KAZN: variants seen among roughly 807,000 people sequenced by gnomAD.
KAZN encodes kazrin, periplakin interacting protein, also known as kazrin.
KAZN carries 40 observed loss-of-function variants against 87.4 expected under a neutral mutation model. That is an observed-to-expected ratio of 0.46 (90% CI 0.36 to 0.60). The LOEUF (loss-of-function observed/expected upper bound fraction) is 0.60, where lower values mean the gene tolerates loss of function less well. Among genes scored for constraint, KAZN ranks in the 20% least tolerant of loss-of-function variants. The probability of loss-of-function intolerance (pLI) is 0.00; values close to 1 mark genes in which losing one functional copy is unlikely to be tolerated. For missense variants in KAZN, 898 were observed against 1,073.9 expected (o/e 0.84, Z 2.29); for synonymous variants, 466 against 458.3 (o/e 1.02, Z -0.22).
chr1:15,045,177 C>T (rs1168288610), intron 4 of KAZN, among the ~76,000 whole-genome samples: 2 of 152,146 alleles, frequency 1.3e-5, no homozygotes, highest in Non-Finnish European at 2.9e-5. Flanking sequence ...CCTACCTTCC[C>T]CACAGGGTGG....
At chr1:14,314,208 A>G (rs932578365) in intron 2 of KAZN, among the ~76,000 whole-genome samples, 2 of 152,196 alleles carry the variant, frequency 1.3e-5, no homozygotes, top group Admixed American at 1.3e-4. Context: ...AAGAGATTGC[A>G]CTACTTGTAG....
At chr1:14,955,225 G>C (rs1268685838) in intron 1 of KAZN, among the ~76,000 whole-genome samples, 1 of 152,238 alleles carries the variant, frequency 6.6e-6, no homozygotes, top group African/African-American at 2.4e-5. Flanking sequence ...GGTTGGTCCC[G>C]TCAGTGCAGA....
intron 1 of KAZN, among the ~76,000 whole-genome samples, chr1:14,089,595 T>C (rs1436137434): frequency 6.6e-6 from 1 of 152,206 alleles, no homozygotes; most frequent in Non-Finnish European, 1.5e-5. Context: ...GCTACTGTTA[T>C]CATTCATTTT....
At chr1:14,074,539 G>A (rs1436918510) in intron 1 of KAZN, among the ~76,000 whole-genome samples, 1 of 152,094 alleles carries the variant, frequency 6.6e-6, no homozygotes, top group African/African-American at 2.4e-5. Flanking sequence ...GAAATTCTGG[G>A]GTCCCGGGTA....
chr1:14,581,577 G>A (rs2103694), intron 2 of KAZN, among the ~76,000 whole-genome samples: 20,320 of 152,016 alleles, frequency 0.13, 1,403 homozygotes, highest in Middle Eastern at 0.15. Flanking sequence ...ACTCAACACC[G>A]GTCAGTGTCC....
chr1:14,708,451 T>C (rs1488209285), intron 1 of KAZN, among the ~76,000 whole-genome samples: 3 of 152,208 alleles, frequency 2.0e-5, no homozygotes, highest in Non-Finnish European at 4.4e-5. Context: ...AAAAAAACTT[T>C]TTTCTAGATA....
At chr1:14,053,678 A>T (rs934323008) in intron 1 of KAZN, among the ~76,000 whole-genome samples, 7 of 152,194 alleles carry the variant, frequency 4.6e-5, no homozygotes, top group Admixed American at 1.3e-4. Context: ...TAAAGAAAAC[A>T]GTGAAAATTG....
intron 1 of KAZN, among the ~76,000 whole-genome samples, chr1:14,729,007 C>T (rs113819202): frequency 2.6e-5 from 4 of 152,094 alleles, no homozygotes; most frequent in East Asian, 1.9e-4. Context: ...GGGAAGCTGC[C>T]GTTTCTTGAG....
At chr1:14,512,685 C>A (rs1670976077) in intron 2 of KAZN, among the ~76,000 whole-genome samples, 1 of 152,216 alleles carries the variant, frequency 6.6e-6, no homozygotes, top group Middle Eastern at 3.2e-3. Flanking sequence ...ACACAGCCTG[C>A]CGGCTGCTGT....
At chr1:13,982,417 T>C (rs1638773498) in intron 1 of KAZN, among the ~76,000 whole-genome samples, 1 of 152,100 alleles carries the variant, frequency 6.6e-6, no homozygotes, top group Non-Finnish European at 1.5e-5. Flanking sequence ...GGCTCAGGAG[T>C]GAAGCTGCCG....
intron 2 of KAZN, among the ~76,000 whole-genome samples, chr1:14,367,788 C>T (rs1434560557): frequency 1.3e-5 from 2 of 152,170 alleles, no homozygotes; most frequent in African/African-American, 4.8e-5. Context: ...GCAGGGGAGT[C>T]CAGGGAGACT....
chr1:14,525,961 A>T (rs771096135), intron 2 of KAZN, among the ~76,000 whole-genome samples: 1 of 152,206 alleles, frequency 6.6e-6, no homozygotes, highest in Non-Finnish European at 1.5e-5. Flanking sequence ...ACAGCAAAAG[A>T]ACCCCACTTG....
intron 2 of KAZN, among the ~76,000 whole-genome samples, chr1:14,992,199 C>T (rs1667426637): frequency 6.6e-6 from 1 of 152,126 alleles, no homozygotes; most frequent in African/African-American, 2.4e-5. Context: ...ATGTCCCTAC[C>T]CGTGAGTGTG....
intron 2 of KAZN, among the ~76,000 whole-genome samples, chr1:14,289,302 T>A (rs558922377): frequency 6.6e-6 from 1 of 152,292 alleles, no homozygotes; most frequent in East Asian, 1.9e-4. Context: ...CTCATTATTA[T>A]TGTGTGGGAG....
At chr1:14,145,425 T>C (rs985112298) in intron 1 of KAZN, among the ~76,000 whole-genome samples, 1 of 151,938 alleles carries the variant, frequency 6.6e-6, no homozygotes, top group African/African-American at 2.4e-5. Flanking sequence ...GCCTGGGTGA[T>C]AGAAAAAGAC....
intron 1 of KAZN, among the ~76,000 whole-genome samples, chr1:14,778,413 A>G (rs377518637): frequency 5.2e-5 from 7 of 135,712 alleles, no homozygotes; most frequent in South Asian, 2.4e-4. Context: ...AAAAAAAAAA[A>G]CCCACATCCA....
intron 1 of KAZN, among the ~76,000 whole-genome samples, chr1:14,178,822 G>A (rs945711411): frequency 2.0e-5 from 3 of 151,972 alleles, no homozygotes; most frequent in Non-Finnish European, 4.4e-5. Flanking sequence ...AACTTTTTTG[G>A]CAGGTATTTT....
At chr1:14,662,916 A>G (rs1373955266) in intron 1 of KAZN, among the ~76,000 whole-genome samples, 1 of 144,248 alleles carries the variant, frequency 6.9e-6, no homozygotes, top group African/African-American at 2.5e-5. Flanking sequence ...ATATATATAC[A>G]CATATATATG....
chr1:14,511,138 T>G (rs1670881265), intron 2 of KAZN, among the ~76,000 whole-genome samples: 4 of 152,170 alleles, frequency 2.6e-5, no homozygotes, highest in African/African-American at 9.7e-5. Flanking sequence ...GTTTCTATGT[T>G]GCATGTGATA....
Sources: gnomAD v4.1 joint callset for allele counts (sites outside exome capture counted in the v4.1 genomes callset) on GRCh38, gnomAD v4.1.1 for gene constraint, MANE v1.5 for transcripts, NCBI Gene and HGNC (gene_info 2026-07-23, HGNC 2026-07-21) for gene names.